CTNND2: variants seen among roughly 807,000 people sequenced by gnomAD.
The protein encoded by CTNND2 is catenin delta-2.
Under a neutral mutation model 144.4 loss-of-function variants are expected in CTNND2, and 22 were observed. The observed-to-expected ratio is 0.15, with a 90% CI of 0.11 to 0.22. The LOEUF is 0.22. CTNND2 is among the 10% of genes least tolerant of loss of function. The pLI, the probability that CTNND2 is intolerant of heterozygous loss-of-function variation, is 1.00. For missense variants in CTNND2, 1,353 were observed against 1,618.8 expected (o/e 0.84, Z 2.82); for synonymous variants, 751 against 695.6 (o/e 1.08, Z -1.25).
At chr5:11,432,471 A>G (rs1763389334) in intron 3 of CTNND2, among the ~76,000 whole-genome samples, 1 of 152,210 alleles carries the variant, frequency 6.6e-6, no homozygotes, top group African/African-American at 2.4e-5. Context: ...ATCAAAATCA[A>G]TAACTTATTT....
intron 10 of CTNND2, among the ~76,000 whole-genome samples, chr5:11,232,058 A>G (rs1414861845): frequency 1.3e-5 from 2 of 152,212 alleles, no homozygotes; most frequent in Non-Finnish European, 2.9e-5. Flanking sequence ...TGGGTGCACA[A>G]AAGTCAAGAA....
intron 2 of CTNND2, among the ~76,000 whole-genome samples, chr5:11,572,650 C>T (rs1371565818): frequency 6.6e-6 from 1 of 152,102 alleles, no homozygotes; most frequent in African/African-American, 2.4e-5. Context: ...TACCCACTGG[C>T]TCCTGACAGA....
chr5:11,456,554 A>G (rs1765754953), intron 3 of CTNND2, among the ~76,000 whole-genome samples: 1 of 152,022 alleles, frequency 6.6e-6, no homozygotes, highest in African/African-American at 2.4e-5. Flanking sequence ...TTCAACCCCA[A>G]TACCTGGGAA....
intron 3 of CTNND2, among the ~76,000 whole-genome samples, chr5:11,480,961 C>T (rs1768201305): frequency 6.6e-6 from 1 of 152,002 alleles, no homozygotes; most frequent in South Asian, 2.1e-4. Flanking sequence ...AAATGGGCTC[C>T]TATATACACT....
At chr5:11,150,276 C>T (rs1757623764) in intron 12 of CTNND2, among the ~76,000 whole-genome samples, 1 of 152,170 alleles carries the variant, frequency 6.6e-6, no homozygotes, top group Admixed American at 6.5e-5. Flanking sequence ...CCCGCCTACT[C>T]CTGCAGTGAT....
intron 7 of CTNND2, among the ~76,000 whole-genome samples, chr5:11,367,386 T>C (rs1757083772): frequency 6.6e-6 from 1 of 152,212 alleles, no homozygotes; most frequent in Non-Finnish European, 1.5e-5. Context: ...TTTAGATCCA[T>C]ATGAACAAGG....
Position 11,612,684 on chromosome 5 carries a change from G to A in CTNND2, c.175-47628C>T, listed in dbSNP as rs555813383. Among the ~76,000 whole-genome samples, 3 of 152,234 alleles carry A rather than the reference G, an allele frequency of 2.0e-5. No homozygotes were observed. The East Asian group carries it at 5.8e-4, about 30-fold the overall frequency. ...AAGGGCCAAGGTGGGAGGATTGCTTGAGCCCAGGAGTTTGAGACCGGCCTG... is the reference window on the plus strand; with the variant it reads ...AAGGGCCAAGGTGGGAGGATTGCTTAAGCCCAGGAGTTTGAGACCGGCCTG... On this transcript the variant is annotated intron_variant, in intron 2 of 21. Transcript: ENST00000304623.
intron 16 of CTNND2, among the ~76,000 whole-genome samples, chr5:11,036,169 C>G (rs1744045961): frequency 1.3e-5 from 2 of 151,972 alleles, no homozygotes; most frequent in African/African-American, 4.8e-5. Flanking sequence ...TCACTTTTAG[C>G]AAAATTTCCT....
intron 9 of CTNND2, among the ~76,000 whole-genome samples, chr5:11,297,490 T>C (rs1445269812): frequency 6.6e-6 from 1 of 152,218 alleles, no homozygotes; most frequent in Non-Finnish European, 1.5e-5. Flanking sequence ...AATGTTATTC[T>C]TCTTATATTG....
rs764093434 is a variant in CTNND2 at position 11,159,577 on chromosome 5, T to G, written c.2158A>C (p.Arg720=). ...QVLRNATGCL[R]NVSSAGEEAR... ...AGGCACTCGTGACACAGGACTGACCTTAGGCACCCGGTGGCGTTACGCAGC... is the reference window on the plus strand; with the variant it reads ...AGGCACTCGTGACACAGGACTGACCGTAGGCACCCGGTGGCGTTACGCAGC... The change falls in exon 12 of 22, where the codon AGG becomes CGG. Residue 720 remains arginine (R), a splice_region_variant and synonymous_variant. Coordinates refer to ENST00000304623, the MANE Select transcript of CTNND2 (RefSeq NM_001332.4). 3.1e-6 allele frequency: 5 copies of G among 1,607,686 alleles called. No homozygotes were observed. Among genetic ancestry groups the G allele is most frequent in the African/African-American group, 1.3e-5 (1 of 74,962 alleles).
chr5:11,669,224 TC>T (rs1475255087), intron 2 of CTNND2, among the ~76,000 whole-genome samples: 2 of 152,172 alleles, frequency 1.3e-5, no homozygotes, highest in Non-Finnish European at 2.9e-5. Flanking sequence ...CCTAAAATTT[TC>T]TTTTTTGGTG....
chr5:11,458,067 T>A (rs1209045323), intron 3 of CTNND2, among the ~76,000 whole-genome samples: 1 of 152,084 alleles, frequency 6.6e-6, no homozygotes, highest in African/African-American at 2.4e-5. Flanking sequence ...ATTAAATGAG[T>A]TCATATGTGA....
chr5:11,662,298 G>C (rs1290885257), intron 2 of CTNND2, among the ~76,000 whole-genome samples: 5 of 148,602 alleles, frequency 3.4e-5, no homozygotes, highest in Non-Finnish European at 5.9e-5. Flanking sequence ...TATAGACAGA[G>C]AGAGAGAGGG....
intron 2 of CTNND2, among the ~76,000 whole-genome samples, chr5:11,581,864 G>A (rs899033043): frequency 2.0e-5 from 3 of 152,190 alleles, no homozygotes; most frequent in Non-Finnish European, 4.4e-5. Flanking sequence ...GCATGGGAAG[G>A]GGAAGGGACG....
At chr5:11,001,083 G>A (rs1488038432) in intron 18 of CTNND2, among the ~76,000 whole-genome samples, 1 of 152,156 alleles carries the variant, frequency 6.6e-6, no homozygotes, top group African/African-American at 2.4e-5. Flanking sequence ...CCAGAGAGGT[G>A]CCACACACAC....
intron 1 of CTNND2, among the ~76,000 whole-genome samples, chr5:11,876,551 A>G (rs1735584550): frequency 6.6e-6 from 1 of 152,174 alleles, no homozygotes. Flanking sequence ...TATAATTAAA[A>G]AGCACATAAA....
chr5:11,876,180 G>C (rs1326983335), intron 1 of CTNND2, among the ~76,000 whole-genome samples: 2 of 151,570 alleles, frequency 1.3e-5, no homozygotes, highest in Non-Finnish European at 2.9e-5. Context: ...ATTTCAGATA[G>C]ATAGGTAGAA....
At chr5:11,191,957 G>A (rs2149815668) in intron 11 of CTNND2, among the ~76,000 whole-genome samples, 1 of 152,288 alleles carries the variant, frequency 6.6e-6, no homozygotes, top group South Asian at 2.1e-4. Context: ...ACCAGACACA[G>A]CGGCAAAGCC....
intron 9 of CTNND2, among the ~76,000 whole-genome samples, chr5:11,256,514 A>G (rs1427259882): frequency 6.6e-6 from 1 of 152,242 alleles, no homozygotes; most frequent in East Asian, 1.9e-4. Context: ...TACCTGGCAT[A>G]CTTCTTTGCA....
Sources: allele counts gnomAD v4.1 joint callset (sites outside exome capture counted in the v4.1 genomes callset), GRCh38; gene constraint gnomAD v4.1.1; transcripts MANE v1.5; gene names NCBI Gene and HGNC (gene_info 2026-07-23, HGNC 2026-07-21).